Variants in TENM4 observed in about 807,000 individuals in gnomAD.
TENM4 encodes teneurin-4.
A neutral mutation model predicts 243.3 loss-of-function variants in TENM4; 82 were observed. That is an observed-to-expected ratio of 0.34 (90% CI 0.28 to 0.40). The LOEUF (loss-of-function observed/expected upper bound fraction) is 0.40. Among genes scored for constraint, TENM4 ranks in the 10% least tolerant of loss-of-function variants. TENM4 has a pLI of 1.00. For synonymous variants in TENM4, 1,412 were observed against 1,456.3 expected (o/e 0.97, Z 0.69); for missense variants, 3,138 against 3,673.3 (o/e 0.85, Z 3.77).
intron 15 of TENM4, among the ~76,000 whole-genome samples, chr11:78,793,409 T>C (rs1565381302): frequency 6.6e-6 from 1 of 152,314 alleles, no homozygotes; most frequent in East Asian, 1.9e-4. Flanking sequence ...TAAGTCTGCA[T>C]TTAGCACTAG....
At chr11:79,435,936 T>C (rs926312233) in intron 1 of TENM4, among the ~76,000 whole-genome samples, 5 of 152,172 alleles carry the variant, frequency 3.3e-5, no homozygotes, top group Non-Finnish European at 5.9e-5. Flanking sequence ...GAAGCACAAA[T>C]TCTAACAAAA....
intron 3 of TENM4, among the ~76,000 whole-genome samples, chr11:79,186,761 C>T (rs913983291): frequency 2.0e-5 from 3 of 152,124 alleles, no homozygotes; most frequent in Non-Finnish European, 4.4e-5. Flanking sequence ...AAATAAATAC[C>T]GTGTGTTATT....
At chr11:78,880,471 A>G (rs920309730) in intron 9 of TENM4, among the ~76,000 whole-genome samples, 1 of 44,268 alleles carries the variant, frequency 2.3e-5, no homozygotes, top group Non-Finnish European at 1.2e-4. Flanking sequence ...AAAAAAAAAA[A>G]AAAAAAAAAA....
intron 15 of TENM4, among the ~76,000 whole-genome samples, chr11:78,794,526 A>G (rs1565381711): frequency 6.6e-6 from 1 of 152,258 alleles, no homozygotes; most frequent in Admixed American, 6.5e-5. Context: ...CAAGAACTGC[A>G]GCTGGGAGGG....
At chr11:78,884,294 G>C (rs527945093) in intron 9 of TENM4, among the ~76,000 whole-genome samples, 29 of 152,304 alleles carry the variant, frequency 1.9e-4, no homozygotes, top group Non-Finnish European at 2.5e-4. Context: ...GCGGCTCCTG[G>C]TTCCCTCTCC....
intron 6 of TENM4, 199 bp downstream of exon 6, chr11:79,064,539 G>T: frequency 1.4e-6 from 1 of 690,244 alleles, no homozygotes; most frequent in Non-Finnish European, 2.4e-6. Flanking sequence ...AAAGAGCAGC[G>T]ACCCAATCTC....
chr11:78,926,568 G>A (rs1287781509), intron 6 of TENM4, among the ~76,000 whole-genome samples: 1 of 151,872 alleles, frequency 6.6e-6, no homozygotes, highest in Non-Finnish European at 1.5e-5. Context: ...CACTATGCCT[G>A]GCCAGAAATG....
At chr11:79,334,120 G>C (rs554313447) in intron 1 of TENM4, among the ~76,000 whole-genome samples, 17 of 152,340 alleles carry the variant, frequency 1.1e-4, no homozygotes, top group Non-Finnish European at 5.9e-5. Flanking sequence ...GTGGGACAAA[G>C]TAAATGGAAT....
At chr11:79,285,252 T>C (rs1472568176) in intron 2 of TENM4, among the ~76,000 whole-genome samples, 1 of 146,674 alleles carries the variant, frequency 6.8e-6, no homozygotes, top group Admixed American at 6.8e-5. Flanking sequence ...AATAAATAAA[T>C]AAAAAAAAAG....
chr11:79,322,100 C>A (rs1219342225), intron 1 of TENM4, among the ~76,000 whole-genome samples: 1 of 152,170 alleles, frequency 6.6e-6, no homozygotes, highest in Non-Finnish European at 1.5e-5. Flanking sequence ...CCTGCTACAT[C>A]CCCTCTTGTG....
At chr11:79,149,600 G>A (rs1198178525) in intron 3 of TENM4, among the ~76,000 whole-genome samples, 1 of 152,112 alleles carries the variant, frequency 6.6e-6, no homozygotes, top group African/African-American at 2.4e-5. Flanking sequence ...TAATTGCACT[G>A]TGGTAGGTGA....
At chr11:79,209,839 T>C (rs1310621376) in intron 3 of TENM4, among the ~76,000 whole-genome samples, 2 of 152,208 alleles carry the variant, frequency 1.3e-5, no homozygotes, top group African/African-American at 4.8e-5. Flanking sequence ...CAGGCAGGCC[T>C]GGCTTCAAAC....
At position 78,657,778 on chromosome 11, in the gene TENM4, A is replaced by C. The variant is rs1277616561; in HGVS notation, c.*280T>G. 1.9e-6 allele frequency: 1 copy of C among 531,706 alleles called. No individual in the cohort carries two copies. Among genetic ancestry groups the C allele is most frequent in the East Asian group, 3.5e-5 (1 of 28,206 alleles). The allele number at this position is 531,706 out of a possible 1,614,324, so 32.9% of individuals were successfully genotyped here. ...GAGGAGATACATACCCCAAACGACA[A>C]GGGAAAAATCCTCAAGGAAAAAGGG... On this transcript the variant is annotated 3_prime_UTR_variant, in exon 34 of 34. Transcript: ENST00000278550.
chr11:78,848,786 G>C (rs1172091255), intron 12 of TENM4, among the ~76,000 whole-genome samples: 1 of 152,152 alleles, frequency 6.6e-6, no homozygotes, highest in Non-Finnish European at 1.5e-5. Context: ...CTCAGCTTGG[G>C]AAAGAGCAAG....
At chr11:79,270,332 C>T (rs562556370) in intron 2 of TENM4, among the ~76,000 whole-genome samples, 1 of 152,282 alleles carries the variant, frequency 6.6e-6, no homozygotes, top group South Asian at 2.1e-4. Flanking sequence ...CACTTTGTAG[C>T]CAAAGTGACT....
intron 2 of TENM4, among the ~76,000 whole-genome samples, chr11:79,288,599 AC>A (rs1856298905): frequency 6.6e-6 from 1 of 152,218 alleles, no homozygotes; most frequent in African/African-American, 2.4e-5. Flanking sequence ...GAGACAACAG[AC>A]CTACGATAAA....
Position 78,771,120 on chromosome 11 carries a change from C to G in TENM4, c.2411G>C (p.Cys804Ser). The change falls in exon 18 of 34, where the codon TGC becomes TCC. Residue 804 changes from cysteine (C) to serine (S), a missense_variant. This residue lies in a region of TENM4 where 2,467 missense variants were observed against 3,059.1 expected (regional missense o/e 0.81). Coordinates refer to ENST00000278550, the MANE Select transcript of TENM4 (RefSeq NM_001098816.3). ...RVVKEGCPGL[C>S]NGNGRCTLDL... ...TAAGGTACATCTGCCGTTGCCATTG[C>G]ACAACCCAGGGCAACCCTCTGAAAG... 1 of 1,570,454 alleles carries G rather than the reference C, an allele frequency of 6.4e-7. No homozygotes were observed. The highest frequency in any genetic ancestry group is 1.4e-5 in the African/African-American group (1 of 73,914).
chr11:78,685,761 T>A (rs1858650717), intron 29 of TENM4, among the ~76,000 whole-genome samples: 1 of 152,198 alleles, frequency 6.6e-6, no homozygotes, highest in South Asian at 2.1e-4. Flanking sequence ...ACAAGATGTC[T>A]GAGTAATTGG....
At position 78,769,285 on chromosome 11, in the gene TENM4, A is replaced by G. The variant is rs548668174; in HGVS notation, c.2539+1707T>C. 1.6e-4 allele frequency among the ~76,000 whole-genome samples: 25 copies of G among 152,332 alleles called. No individual in the cohort carries two copies. In the South Asian group the frequency reaches 5.0e-3, roughly 30 times the overall value. On this transcript the variant is annotated intron_variant, in intron 18 of 33. Transcript: ENST00000278550. ...AATACACTTTGCCTTGTCTGAAGAC[A>G]TGGGTGCTTAGTGCCCTTCCCTGCT...
Sources: allele counts gnomAD v4.1 joint callset (sites outside exome capture counted in the v4.1 genomes callset), GRCh38; gene constraint gnomAD v4.1.1; regional missense constraint gnomAD v4.1.1; transcripts MANE v1.5; gene names NCBI Gene and HGNC (gene_info 2026-07-23, HGNC 2026-07-21).